KIF27: variants seen among roughly 807,000 people sequenced by gnomAD.
The protein encoded by KIF27 is kinesin-like protein KIF27.
In KIF27, 84 loss-of-function variants were observed where a neutral mutation model predicts 141.8. The ratio of observed to expected loss-of-function variants is 0.59; its 90% CI spans 0.50 to 0.71. KIF27 has a LOEUF of 0.71. Among genes scored for constraint, KIF27 ranks in the 30% least tolerant of loss-of-function variants. The pLI is 0.00. For missense variants in KIF27, 1,306 were observed against 1,628.4 expected, an observed-to-expected ratio of 0.80 and a Z score of 3.41; for synonymous variants, 471 against 569.5, an observed-to-expected ratio of 0.83 and a Z score of 2.46.
chr9:83,860,598 T>C (rs1949784674), intron 13 of KIF27, among the ~76,000 whole-genome samples: 1 of 152,252 alleles, frequency 6.6e-6, no homozygotes, highest in African/African-American at 2.4e-5. Flanking sequence ...ACCTTATAGC[T>C]AATTCTTCTC....
At chr9:83,888,326 G>C (rs1413989481) in intron 8 of KIF27, among the ~76,000 whole-genome samples, 163 bp downstream of exon 8, 1 of 152,106 alleles carries the variant, frequency 6.6e-6, no homozygotes, top group Non-Finnish European at 1.5e-5. Context: ...AAGAGTAAAA[G>C]AGGTAAAACA....
intron 14 of KIF27, chr9:83,858,377 C>T (rs1949502434): frequency 6.6e-6 from 1 of 152,188 alleles, no homozygotes; most frequent in Admixed American, 6.5e-5. Flanking sequence ...GTGTGATTCT[C>T]AGCTATTCAC....
intron 11 of KIF27, among the ~76,000 whole-genome samples, chr9:83,876,445 G>C (rs1259049060): frequency 1.3e-5 from 2 of 152,182 alleles, no homozygotes; most frequent in African/African-American, 4.8e-5. Context: ...GACTTCCCAT[G>C]CTCGTGGATA....
At chr9:83,901,670 G>A (rs2132544002) in intron 4 of KIF27, among the ~76,000 whole-genome samples, 1 of 152,106 alleles carries the variant, frequency 6.6e-6, no homozygotes, top group East Asian at 1.9e-4. Flanking sequence ...GTCAAGAGAT[G>A]GAGACCATCC....
Position 83,850,278 on chromosome 9 carries a change from G to C in KIF27, c.3377C>G (p.Ala1126Gly), listed in dbSNP as rs1390164598. The part of the protein sequence containing the change: ...YFNKVVNLRE[A>G]ERKQQLYNEE... ...ATTATATAACTGTTGTTTCCGTTCA[G>C]CTTCTCGCAAATTCACCACCTAACA... The change falls in exon 16 of 18, where the codon GCT becomes GGT. Residue 1126 changes from alanine (A) to glycine (G), a missense_variant. Around this residue, in one of 4 missense-constraint regions of KIF27, gnomAD observed 596 missense variants for 751.6 expected, o/e 0.79. Transcript: ENST00000297814. 2 of 1,613,320 alleles carry C rather than the reference G, an allele frequency of 1.2e-6. No homozygotes were observed. Among genetic ancestry groups the C allele is most frequent in the South Asian group, 2.2e-5 (2 of 91,060 alleles).
chr9:83,849,232 G>C (rs1948243735), intron 16 of KIF27: 1 of 152,178 alleles, frequency 6.6e-6, no homozygotes. Context: ...GAGCATGTTT[G>C]AATGTAATGA....
At chr9:83,907,342 T>TAAATAAA (rs1564000641) in intron 3 of KIF27, among the ~76,000 whole-genome samples, 1 of 147,784 alleles carries the variant, frequency 6.8e-6, no homozygotes, top group African/African-American at 2.5e-5. Flanking sequence ...AAATAAATAA[T>TAAATAAA]ATGTACATAG....
At chr9:83,901,806 G>A (rs573352185) in intron 4 of KIF27, among the ~76,000 whole-genome samples, 9 of 152,130 alleles carry the variant, frequency 5.9e-5, no homozygotes, top group African/African-American at 2.2e-4. Flanking sequence ...CTGGGAGGCG[G>A]AGGTTGCAGT....
chr9:83,894,093 T>C (rs1952938574), intron 5 of KIF27, among the ~76,000 whole-genome samples: 1 of 152,204 alleles, frequency 6.6e-6, no homozygotes, highest in South Asian at 2.1e-4. Flanking sequence ...AAAATACTAA[T>C]ATGATTTAAT....
At chr9:83,842,809 A>G (rs569079009) in intron 16 of KIF27, among the ~76,000 whole-genome samples, 7 of 152,282 alleles carry the variant, frequency 4.6e-5, no homozygotes, top group Admixed American at 2.6e-4. Flanking sequence ...TATTTAAAGG[A>G]TAAGAAGCAT....
In KIF27 at chr9:83,891,585, C is replaced by T. The variant is rs1952687844; in HGVS notation, c.1603-84G>A. On this transcript the variant is annotated intron_variant, in intron 5 of 17. Transcript: ENST00000297814. ...GATTAAAAATGAATTTTACATTGAC[C>T]AAAATCATAACTACTTTAATAATAC... The T allele has an allele frequency of 3.2e-6, 4 of 1,240,260 alleles. No homozygotes were observed. In the African/African-American group the frequency reaches 4.6e-5, roughly 14 times the overall value. The allele number at this position is 1,240,260 out of a possible 1,614,324, so 76.8% of individuals were successfully genotyped here.
chr9:83,853,299 G>C (rs1478152144), intron 15 of KIF27, among the ~76,000 whole-genome samples: 2 of 151,926 alleles, frequency 1.3e-5, no homozygotes, highest in Non-Finnish European at 2.9e-5. Context: ...ATGAGTGCCA[G>C]GTAGAACATC....
chr9:83,912,038 G>GT (rs1310835287), intron 2 of KIF27, among the ~76,000 whole-genome samples: 9 of 152,064 alleles, frequency 5.9e-5, no homozygotes. Context: ...AGTTAAAATG[G>GT]TAAGTTTGGT....
chr9:83,920,023 C>T, intron 1 of KIF27, among the ~76,000 whole-genome samples: 1 of 150,804 alleles, frequency 6.6e-6, no homozygotes, highest in East Asian at 2.0e-4. Context: ...CTTCAGCCCA[C>T]GAGTTCCAGA....
At chr9:83,866,956 C>T (rs1384718539) in intron 13 of KIF27, among the ~76,000 whole-genome samples, 2 of 149,914 alleles carry the variant, frequency 1.3e-5, no homozygotes, top group Non-Finnish European at 3.0e-5. Context: ...TCACCCCCCC[C>T]CCAAAAAAAG....
chr9:83,881,571 G>A (rs975398500), intron 10 of KIF27, among the ~76,000 whole-genome samples: 5 of 152,324 alleles, frequency 3.3e-5, no homozygotes, highest in African/African-American at 9.6e-5. Flanking sequence ...TTCGGTTGAC[G>A]TTTTCATGTG....
intron 13 of KIF27, among the ~76,000 whole-genome samples, chr9:83,861,905 T>C (rs1010745898): frequency 1.6e-4 from 24 of 151,874 alleles, no homozygotes; most frequent in Middle Eastern, 6.8e-3. Flanking sequence ...ATTGTGGTTT[T>C]GATTTGCATT....
intron 5 of KIF27, among the ~76,000 whole-genome samples, chr9:83,897,504 A>G (rs1588228159): frequency 6.6e-6 from 1 of 152,328 alleles, no homozygotes; most frequent in African/African-American, 2.4e-5. Context: ...AGGCAAAACA[A>G]TAAAGCTTCT....
intron 10 of KIF27, among the ~76,000 whole-genome samples, chr9:83,880,760 C>T (rs1951610657): frequency 1.3e-5 from 2 of 152,128 alleles, no homozygotes; most frequent in African/African-American, 2.4e-5. Flanking sequence ...AGATGATTTG[C>T]TTTTCATTAA....
Sources: gnomAD v4.1 joint callset for allele counts (sites outside exome capture counted in the v4.1 genomes callset) on GRCh38, gnomAD v4.1.1 for gene constraint, gnomAD v4.1.1 regional missense constraint, MANE v1.5 for transcripts, NCBI Gene and HGNC (gene_info 2026-07-23, HGNC 2026-07-21) for gene names.